MTA1: variants seen among roughly 807,000 people sequenced by gnomAD.
The protein encoded by MTA1 is metastasis-associated protein MTA1.
MTA1 carries 15 observed loss-of-function variants against 97.0 expected under a neutral mutation model. The observed-to-expected ratio is 0.15, with a 90% CI of 0.10 to 0.24. The LOEUF (loss-of-function observed/expected upper bound fraction) is 0.24, where lower values mean the gene tolerates loss of function less well. MTA1 is among the 10% of genes least tolerant of loss of function. The pLI, the probability that MTA1 is intolerant of heterozygous loss-of-function variation, is 1.00. For synonymous variants in MTA1, 435 were observed against 417.5 expected, an observed-to-expected ratio of 1.04 and a Z score of -0.51; for missense variants, 709 against 1,015.1, an observed-to-expected ratio of 0.70 and a Z score of 4.10.
chr14:105,453,771 A>AT (rs2083035815), intron 6 of MTA1, among the ~76,000 whole-genome samples: 1 of 151,758 alleles, frequency 6.6e-6, no homozygotes, highest in Non-Finnish European at 1.5e-5. Flanking sequence ...AGATCACGCC[A>AT]TTGCACTCCA....
intron 4 of MTA1, among the ~76,000 whole-genome samples, chr14:105,449,717 C>A (rs587749379): frequency 1.2e-4 from 18 of 152,110 alleles, no homozygotes; most frequent in Admixed American, 1.2e-3. Context: ...TCTTGGCAGC[C>A]GCCGACTCCC....
chr14:105,439,033 C>T (rs755264827), intron 2 of MTA1, among the ~76,000 whole-genome samples: 1 of 152,176 alleles, frequency 6.6e-6, no homozygotes, highest in African/African-American at 2.4e-5. Context: ...CCAGTGTCCC[C>T]TGGGGAGCCC....
intron 1 of MTA1, among the ~76,000 whole-genome samples, chr14:105,429,830 C>T (rs2082127846): frequency 7.9e-6 from 1 of 126,174 alleles, no homozygotes; most frequent in Non-Finnish European, 1.6e-5. Flanking sequence ...GATCTTGGCT[C>T]ACTGCCACCT....
chr14:105,466,428 A>AGCCCCCCCCCCCCCC lies in MTA1; in HGVS notation c.1627_1628insGCCCCCCCCCCCCCC (p.Thr543delinsSerProProProProPro). The AGCCCCCCCCCCCCCC allele has an allele frequency of 1.3e-6, 1 of 795,152 alleles. No homozygotes were observed. Among genetic ancestry groups the AGCCCCCCCCCCCCCC allele is most frequent in the Non-Finnish European group, 2.1e-6 (1 of 474,350 alleles). The allele number at this position is 795,152 out of a possible 1,614,324, so 49.3% of individuals were successfully genotyped here. A position where few individuals can be genotyped will look rare whatever the true frequency, so the allele number is the denominator to read the frequency against. On this transcript the variant is annotated protein_altering_variant, in exon 17 of 21. Transcript: ENST00000331320. ...TCTGCCTGTGTCATTCCCGGCAGAG[A>AGCCCCCCCCCCCCCC]CCCACCCCCGCCCCCCCAAGCCTGA...
chr14:105,426,518 C>T (rs1176349359), intron 1 of MTA1, among the ~76,000 whole-genome samples: 1 of 152,230 alleles, frequency 6.6e-6, no homozygotes, highest in Non-Finnish European at 1.5e-5. Flanking sequence ...GGGGGCTGGC[C>T]CTGAGGTGTG....
chr14:105,432,890 TCCATGCG>T (rs2082218391), intron 1 of MTA1, among the ~76,000 whole-genome samples: 1 of 152,192 alleles, frequency 6.6e-6, no homozygotes, highest in African/African-American at 2.4e-5. Context: ...GTCTGCGACT[TCCATGCG>T]AGTGCAAGGG....
At position 105,451,894 on chromosome 14, in the gene MTA1, G is replaced by A. The variant is rs587715156; in HGVS notation, c.432+1570G>A. On this transcript the variant is annotated intron_variant, in intron 6 of 20. Coordinates refer to ENST00000331320, the MANE Select transcript of MTA1 (RefSeq NM_004689.4). Reference sequence around the variant, plus strand: ...CAACCTCCGCCTCCCGGGTTCAAGCGATTCTCCTGTCTCAGCCTCCCGAGT... The same window carrying A: ...CAACCTCCGCCTCCCGGGTTCAAGCAATTCTCCTGTCTCAGCCTCCCGAGT... 1.5e-4 allele frequency among the ~76,000 whole-genome samples: 22 copies of A among 147,838 alleles called. 2 individuals carry two copies. In the South Asian group the frequency reaches 3.0e-3, roughly 20 times the overall value.
At chr14:105,453,574 C>T (rs2083027335) in intron 6 of MTA1, among the ~76,000 whole-genome samples, 2 of 152,184 alleles carry the variant, frequency 1.3e-5, no homozygotes, top group South Asian at 4.1e-4. Context: ...CTTTGGGAGG[C>T]CGAGGCGGGT....
intron 18 of MTA1, 57 bp downstream of exon 18, chr14:105,466,799 T>C (rs1555433046): frequency 6.6e-7 from 1 of 1,520,872 alleles, no homozygotes; most frequent in East Asian, 2.5e-5. Context: ...ATGCCTGTGC[T>C]GTGCTGCTCT....
At chr14:105,441,700 A>C (rs371961001) in intron 2 of MTA1, among the ~76,000 whole-genome samples, 8 of 152,196 alleles carry the variant, frequency 5.3e-5, no homozygotes, top group African/African-American at 1.4e-4. Flanking sequence ...AGGCTGAGGC[A>C]GGAGAATGGC....
At chr14:105,436,983 G>A (rs1469136196) in intron 1 of MTA1, among the ~76,000 whole-genome samples, 1 of 152,222 alleles carries the variant, frequency 6.6e-6, no homozygotes, top group Non-Finnish European at 1.5e-5. Flanking sequence ...TGTCACTTCT[G>A]CAGGCTTTTC....
intron 6 of MTA1, among the ~76,000 whole-genome samples, chr14:105,451,613 A>C (rs2082931246): frequency 6.6e-6 from 1 of 152,096 alleles, no homozygotes; most frequent in African/African-American, 2.4e-5. Context: ...GTTTGTTAGC[A>C]AAAAAGGCCC....
At chr14:105,429,266 A>G (rs2082101653) in intron 1 of MTA1, among the ~76,000 whole-genome samples, 1 of 152,046 alleles carries the variant, frequency 6.6e-6, no homozygotes, top group Non-Finnish European at 1.5e-5. Context: ...CTGTCTTATC[A>G]GGCTTGTGTT....
intron 1 of MTA1, among the ~76,000 whole-genome samples, chr14:105,435,464 T>A (rs587693017): frequency 6.6e-6 from 1 of 152,284 alleles, no homozygotes; most frequent in South Asian, 2.1e-4. Flanking sequence ...AAAAATAATT[T>A]TTTTTTAGAG....
At chr14:105,460,490 TG>T in intron 9 of MTA1, 33 bp downstream of exon 9, 1 of 1,567,962 alleles carries the variant, frequency 6.4e-7, no homozygotes. Context: ...AGGTGAGACC[TG>T]GGGTGGCCCA....
chr14:105,445,332 C>T, intron 2 of MTA1, 86 bp from the exon 3 acceptor site: 3 of 1,254,100 alleles, frequency 2.4e-6, no homozygotes, highest in Middle Eastern at 1.9e-4. Context: ...CCCTGGACGG[C>T]AGGGTCCGGC....
In MTA1 at chr14:105,464,113, C is replaced by T. The variant is rs781983763; in HGVS notation, c.1158C>T (p.Ser386=). ...ACGGCACGGGGGCGCCGGGCCAGAG[C>T]CCTGGGGCTGGCCGGGCCTGCGAGA... ...VVNGTGAPGQ[S]PGAGRACESC... is the part of the protein sequence containing the mutation. Residue 386 remains serine (S), a synonymous_variant, in exon 13 of 21, where the codon AGC becomes AGT. Transcript: ENST00000331320. The T allele has an allele frequency of 4.2e-5, 67 of 1,611,686 alleles. No individual in the cohort carries two copies. Among genetic ancestry groups the T allele is most frequent in the Non-Finnish European group, 5.3e-5 (63 of 1,179,618 alleles).
chr14:105,444,652 G>A (rs149121244), intron 2 of MTA1, among the ~76,000 whole-genome samples: 4 of 151,974 alleles, frequency 2.6e-5, no homozygotes, highest in Non-Finnish European at 4.4e-5. Flanking sequence ...TTAGCTGGTC[G>A]TGGTGGCTCA....
chr14:105,439,407 G>T (rs1028879710), intron 2 of MTA1, among the ~76,000 whole-genome samples: 1 of 152,202 alleles, frequency 6.6e-6, no homozygotes, highest in Admixed American at 6.5e-5. Context: ...TTCCTGGGGG[G>T]TGGTGACACA....
Sources: allele counts gnomAD v4.1 joint callset (sites outside exome capture counted in the v4.1 genomes callset), GRCh38; gene constraint gnomAD v4.1.1; transcripts MANE v1.5; gene names NCBI Gene and HGNC (gene_info 2026-07-23, HGNC 2026-07-21).